Variants in ERICH6B observed in about 807,000 individuals in gnomAD.
The protein encoded by ERICH6B is glutamate rich 6B.
Under a neutral mutation model 80.0 loss-of-function variants are expected in ERICH6B, and 69 were observed. The ratio of observed to expected loss-of-function variants is 0.86; its 90% CI spans 0.71 to 1.05. The LOEUF (loss-of-function observed/expected upper bound fraction) is 1.05, where lower values mean the gene tolerates loss of function less well. ERICH6B is among the 50% of genes least tolerant of loss of function. ERICH6B has a pLI of 0.00. For synonymous variants in ERICH6B, 283 were observed against 291.9 expected, an observed-to-expected ratio of 0.97 and a Z score of 0.31; for missense variants, 754 against 796.1, an observed-to-expected ratio of 0.95 and a Z score of 0.64.
chr13:45,567,035 A>G (rs1449659809), intron 9 of ERICH6B, among the ~76,000 whole-genome samples: 2 of 152,238 alleles, frequency 1.3e-5, no homozygotes, highest in Non-Finnish European at 1.5e-5. Flanking sequence ...ACATGGAGTT[A>G]AAGAAGATTA....
chr13:45,574,858 T>A lies in ERICH6B; in HGVS notation c.1034A>T (p.Glu345Val). ...CCAACTTACGTTTTCATCTAAATCT[T>A]CCACTTCCAGCTTGTCAATGGACTC... ...TDESIDKLEV[E>V]DLDENFLNSS... The change falls in exon 8 of 15, where the codon GAA (glutamate) becomes GTA (valine). Residue 345 changes from glutamate to valine, a missense_variant. Coordinates refer to ENST00000298738, the MANE Select transcript of ERICH6B (RefSeq NM_182542.3). The A allele has an allele frequency of 6.4e-7, 1 of 1,551,154 alleles. No individual in the cohort carries two copies.
chr13:45,603,949 GTGAA>G (rs1949842356), intron 2 of ERICH6B, among the ~76,000 whole-genome samples: 1 of 152,240 alleles, frequency 6.6e-6, no homozygotes, highest in Non-Finnish European at 1.5e-5. Flanking sequence ...TGTGTGTTGA[GTGAA>G]TGTGTGAATA....
chr13:45,553,302 T>C (rs1053269482), intron 11 of ERICH6B, among the ~76,000 whole-genome samples: 21 of 152,160 alleles, frequency 1.4e-4, no homozygotes, highest in Admixed American at 1.3e-3. Flanking sequence ...GGGACCGCAT[T>C]GCCAGTTAAA....
intron 1 of ERICH6B, among the ~76,000 whole-genome samples, chr13:45,614,877 G>A (rs1949919081): frequency 6.6e-6 from 1 of 152,234 alleles, no homozygotes; most frequent in Non-Finnish European, 1.5e-5. Context: ...ATTCCATGGT[G>A]CCAGGCCTGG....
intron 3 of ERICH6B, among the ~76,000 whole-genome samples, chr13:45,593,703 C>T (rs1876247182): frequency 3.3e-5 from 5 of 152,200 alleles, no homozygotes; most frequent in Admixed American, 3.3e-4. Flanking sequence ...CTCCTACCTG[C>T]TATTAAGTAG....
At chr13:45,574,166 T>C (rs570177512) in intron 8 of ERICH6B, among the ~76,000 whole-genome samples, 2 of 152,286 alleles carry the variant, frequency 1.3e-5, no homozygotes, top group African/African-American at 4.8e-5. Flanking sequence ...ATTTTTAGGA[T>C]TGTAGTCAGT....
At chr13:45,600,179 T>C (rs1315875033) in intron 2 of ERICH6B, among the ~76,000 whole-genome samples, 1 of 152,120 alleles carries the variant, frequency 6.6e-6, no homozygotes, top group East Asian at 1.9e-4. Context: ...CCACCTATTA[T>C]TGCCGTCTAC....
intron 11 of ERICH6B, 81 bp from the exon 12 acceptor site, chr13:45,550,397 C>G: frequency 8.4e-7 from 1 of 1,187,734 alleles, no homozygotes; most frequent in Non-Finnish European, 1.2e-6. Flanking sequence ...CGGTGTGGAC[C>G]CCATCTGCTT....
intron 13 of ERICH6B, among the ~76,000 whole-genome samples, chr13:45,546,171 AT>A (rs1342960424): frequency 6.6e-6 from 1 of 152,170 alleles, no homozygotes; most frequent in Non-Finnish European, 1.5e-5. Flanking sequence ...TCTCTCATCC[AT>A]TCCTGACCCT....
chr13:45,571,114 C>T (rs185401993), intron 8 of ERICH6B, among the ~76,000 whole-genome samples: 3 of 152,288 alleles, frequency 2.0e-5, no homozygotes, highest in Admixed American at 2.0e-4. Context: ...AGTGTCTGTG[C>T]CATATGTGCT....
At chr13:45,559,969 CT>C (rs1463407986) in intron 11 of ERICH6B, among the ~76,000 whole-genome samples, 1 of 152,140 alleles carries the variant, frequency 6.6e-6, no homozygotes, top group Non-Finnish European at 1.5e-5. Context: ...TCTTGATGAC[CT>C]GTCTAGTGCT....
intron 2 of ERICH6B, among the ~76,000 whole-genome samples, chr13:45,603,768 G>GT (rs1313363567): frequency 1.3e-5 from 2 of 151,996 alleles, no homozygotes; most frequent in Admixed American, 6.6e-5. Context: ...TTTCCCCTTT[G>GT]TCCCCAGAGC....
rs201946586 is a variant in ERICH6B, at chr13:45,574,841, C to T, written c.1050+1G>A. The T allele has an allele frequency of 2.3e-4, 363 of 1,546,906 alleles. No individual in the cohort carries two copies. Among genetic ancestry groups the T allele is most frequent in the Non-Finnish European group, 2.9e-4 (328 of 1,143,484 alleles). On this transcript the variant is annotated splice_donor_variant, in intron 8 of 14. Coordinates refer to ENST00000298738, the MANE Select transcript of ERICH6B (RefSeq NM_182542.3). LOFTEE classifies it high-confidence loss of function. ...GGGTCTCAAGTTTTTATCCAACTTACGTTTTCATCTAAATCTTCCACTTCC... is the reference window on the plus strand; with the variant it reads ...GGGTCTCAAGTTTTTATCCAACTTATGTTTTCATCTAAATCTTCCACTTCC...
chr13:45,596,293 C>T lies in ERICH6B; in HGVS notation c.637+76G>A, dbSNP rs1876364994. The T allele has an allele frequency of 1.2e-5, 18 of 1,455,404 alleles. 1 individual carries two copies. The South Asian group carries it at 2.6e-4, about 21-fold the overall frequency. 90.2% of individuals were successfully genotyped at this position (1,455,404 alleles called of 1,614,324 possible). A position where few individuals can be genotyped will look rare whatever the true frequency, so the allele number is the denominator to read the frequency against. On this transcript the variant is annotated intron_variant, in intron 3 of 14. Transcript: ENST00000298738. ...CCAGATACTCATCCCTTTCCAGATA[C>T]TCTTCTTCATCCAACCTTCTTTCCC...
chr13:45,550,108 G>A (rs1397198341), intron 12 of ERICH6B, 63 bp from the exon 13 acceptor site: 22 of 1,540,274 alleles, frequency 1.4e-5, no homozygotes, highest in Non-Finnish European at 1.8e-5. Flanking sequence ...GTAGGGCCCT[G>A]CAGATGATGC....
Position 45,568,437 on chromosome 13 carries a change from G to C in ERICH6B, c.1065C>G (p.Ser355=), listed in dbSNP as rs1875015325. 3 of 1,525,152 alleles carry C rather than the reference G, an allele frequency of 2.0e-6. No individual in the cohort carries two copies. Among genetic ancestry groups the C allele is most frequent in the Non-Finnish European group, 2.6e-6 (3 of 1,138,048 alleles). 94.5% of individuals were successfully genotyped at this position (1,525,152 alleles called of 1,614,324 possible). The change falls in exon 9 of 15, where the codon TCC becomes TCG. Residue 355 remains serine, a synonymous_variant. Transcript: ENST00000298738. Reference sequence around the variant, plus strand: ...TTATTGTTTTAAATACTGTCTGATAGGAGCTGTTCAAAAACTACAAAAGGA... The same window carrying C: ...TTATTGTTTTAAATACTGTCTGATACGAGCTGTTCAAAAACTACAAAAGGA... ...EDLDENFLNS[S]YQTVFKTIIK... is the part of the protein sequence containing the mutation.
At chr13:45,567,512 A>T (rs1162182922) in intron 9 of ERICH6B, among the ~76,000 whole-genome samples, 1 of 152,074 alleles carries the variant, frequency 6.6e-6, no homozygotes, top group African/African-American at 2.4e-5. Context: ...GTCTCATGAG[A>T]TCTGATGGTT....
chr13:45,592,806 T>A (rs553097450), intron 3 of ERICH6B, among the ~76,000 whole-genome samples: 2 of 152,344 alleles, frequency 1.3e-5, no homozygotes, highest in East Asian at 3.9e-4. Flanking sequence ...CCTTTCTTCT[T>A]GTAAGATTAG....
chr13:45,600,637 G>C (rs575401325), intron 2 of ERICH6B, among the ~76,000 whole-genome samples: 1 of 152,284 alleles, frequency 6.6e-6, no homozygotes, highest in Admixed American at 6.5e-5. Context: ...TTTCAGTTCA[G>C]ACAATGGTCT....
Sources: allele counts gnomAD v4.1 joint callset (sites outside exome capture counted in the v4.1 genomes callset), GRCh38; gene constraint gnomAD v4.1.1; transcripts MANE v1.5; gene names NCBI Gene and HGNC (gene_info 2026-07-23, HGNC 2026-07-21).